DDX60: variants seen among roughly 807,000 people sequenced by gnomAD.
The protein encoded by DDX60 is DExD/H-box helicase 60, also known as probable ATP-dependent RNA helicase DDX60.
Under a neutral mutation model 212.8 loss-of-function variants are expected in DDX60, and 165 were observed. The observed-to-expected ratio is 0.78, with a 90% CI of 0.68 to 0.88. The LOEUF (loss-of-function observed/expected upper bound fraction) is 0.88. Among genes scored for constraint, DDX60 ranks in the 40% least tolerant of loss-of-function variants. The pLI, the probability that DDX60 is intolerant of heterozygous loss-of-function variation, is 0.00. For synonymous variants in DDX60, 703 were observed against 685.3 expected (o/e 1.03, Z -0.40); for missense variants, 1,905 against 2,003.9 (o/e 0.95, Z 0.94).
At chr4:168,231,378 T>G (rs1733448071) in intron 33 of DDX60, among the ~76,000 whole-genome samples, 1 of 150,512 alleles carries the variant, frequency 6.6e-6, no homozygotes, top group Non-Finnish European at 1.5e-5. Context: ...CATCTTAATG[T>G]CAAAACCAGG....
intron 1 of DDX60, among the ~76,000 whole-genome samples, chr4:168,314,516 A>G (rs1311793596): frequency 6.6e-6 from 1 of 152,230 alleles, no homozygotes; most frequent in African/African-American, 2.4e-5. Flanking sequence ...AGAGAAAGAG[A>G]AAAAGAAAGC....
intron 37 of DDX60, among the ~76,000 whole-genome samples, chr4:168,219,764 C>T (rs117659964): frequency 0.022 from 3,379 of 152,144 alleles, 212 homozygotes; most frequent in East Asian, 0.15. Context: ...AGGCCAGGAG[C>T]GGCAGCTAAT....
Position 168,248,263 on chromosome 4 carries a change from T to C in DDX60, c.3888A>G (p.Leu1296=). 6.2e-7 allele frequency: 1 copy of C among 1,609,482 alleles called. No individual in the cohort carries two copies. Among genetic ancestry groups the C allele is most frequent in the Non-Finnish European group, 8.5e-7 (1 of 1,178,330 alleles). The stretch of plus-strand genomic sequence containing the variant: ...CAGATTTACAAGGCATGTTGACACC[T>C]AAAGCAAGTGTTCCAGTAGCTGTCA... The part of the protein sequence containing the change: ...RVVTATGTLA[L]GVNMPCKSVV... The change falls in exon 29 of 38, where the codon TTA becomes TTG. Residue 1296 remains leucine, a synonymous_variant. Transcript: ENST00000393743.
At chr4:168,233,878 A>T (rs1372525207) in intron 33 of DDX60, among the ~76,000 whole-genome samples, 8 of 152,116 alleles carry the variant, frequency 5.3e-5, no homozygotes, top group Non-Finnish European at 1.0e-4. Flanking sequence ...ATACCAAAAA[A>T]ATTCATATGT....
chr4:168,272,390 A>G (rs1735141917), intron 18 of DDX60, among the ~76,000 whole-genome samples: 1 of 152,254 alleles, frequency 6.6e-6, no homozygotes, highest in Non-Finnish European at 1.5e-5. Flanking sequence ...GTTTATGAAC[A>G]TTCAGGGTTT....
chr4:168,259,076 G>A (rs536613808), intron 25 of DDX60, among the ~76,000 whole-genome samples: 32 of 152,118 alleles, frequency 2.1e-4, no homozygotes, highest in African/African-American at 5.1e-4. Context: ...TAACTGCATC[G>A]TTGGGTTTTC....
intron 37 of DDX60, among the ~76,000 whole-genome samples, chr4:168,219,293 C>CAA (rs35594263): frequency 2.4e-5 from 3 of 124,460 alleles, no homozygotes; most frequent in African/African-American, 3.0e-5. Flanking sequence ...TCTCCGTCTC[C>CAA]AAAAAAAAAA....
At chr4:168,268,356 A>T (rs981909377) in intron 20 of DDX60, among the ~76,000 whole-genome samples, 9 of 152,150 alleles carry the variant, frequency 5.9e-5, no homozygotes, top group Admixed American at 5.9e-4. Flanking sequence ...GTATTATAGG[A>T]TTGTTATTAG....
chr4:168,230,927 A>G (rs1733428520), intron 33 of DDX60, among the ~76,000 whole-genome samples: 1 of 152,048 alleles, frequency 6.6e-6, no homozygotes, highest in Admixed American at 6.6e-5. Context: ...GAAAAAATAA[A>G]CAACATTGAT....
At chr4:168,262,371 G>A (rs1036407506) in intron 23 of DDX60, among the ~76,000 whole-genome samples, 9 of 151,496 alleles carry the variant, frequency 5.9e-5, no homozygotes, top group African/African-American at 2.2e-4. Flanking sequence ...TAGAAGGGAA[G>A]CAAGTGTAAT....
chr4:168,251,185 T>C, intron 27 of DDX60, 79 bp from the exon 28 acceptor site: 1 of 1,346,888 alleles, frequency 7.4e-7, no homozygotes, highest in Non-Finnish European at 1.0e-6. Flanking sequence ...ATAACATGCA[T>C]ACTATGTAAT....
chr4:168,305,308 T>C (rs1736827762), intron 5 of DDX60, among the ~76,000 whole-genome samples: 1 of 152,306 alleles, frequency 6.6e-6, no homozygotes, highest in South Asian at 2.1e-4. Context: ...ACTAAAGCAA[T>C]ACAAACTAGC....
chr4:168,302,284 T>TA lies in DDX60; in HGVS notation c.723+15dup. 7.3e-7 allele frequency: 1 copy of TA among 1,368,960 alleles called. No individual in the cohort carries two copies. Among genetic ancestry groups the TA allele is most frequent in the Non-Finnish European group, 1.0e-6 (1 of 1,000,270 alleles). 84.8% of individuals were successfully genotyped at this position (1,368,960 alleles called of 1,614,324 possible). ...AACTTAGTTCAAATACAAAGCTTTTTAAAATGTTTTGTTACCTCTTCCGTA... is the reference window on the plus strand; with the variant it reads ...AACTTAGTTCAAATACAAAGCTTTTTAAAAATGTTTTGTTACCTCTTCCGTA... On this transcript the variant is annotated intron_variant, in intron 6 of 37. Coordinates refer to ENST00000393743, the MANE Select transcript of DDX60 (RefSeq NM_017631.6).
Position 168,291,753 on chromosome 4 carries a change from G to T in DDX60, c.1036C>A (p.Gln346Lys), listed in dbSNP as rs778744557. ...CTAATAAAGAGTACATTTACCATTT[G>T]TAATAAAGGCTTCATGTCCTCAGCC... is the stretch of plus-strand genomic sequence containing the variant. ...HWAEDMKPLL[Q>K]MKKWCEYFIL... Residue 346 changes from glutamine to lysine, a missense_variant, in exon 8 of 38, where the codon CAA becomes AAA. Physicochemically the swap from Gln to Lys is moderately conservative, Grantham distance 53. Transcript: ENST00000393743. The T allele has an allele frequency of 1.3e-6, 2 of 1,582,708 alleles. No homozygotes were observed. The highest frequency in any genetic ancestry group is 8.5e-7 in the Non-Finnish European group (1 of 1,170,134).
intron 5 of DDX60, among the ~76,000 whole-genome samples, chr4:168,305,944 C>T (rs577269187): frequency 1.3e-5 from 2 of 152,128 alleles, no homozygotes; most frequent in African/African-American, 4.8e-5. Flanking sequence ...TGCCTAATTC[C>T]ATGCATTTCT....
intron 6 of DDX60, 50 bp from the exon 7 acceptor site, chr4:168,293,995 T>C (rs758908007): frequency 1.3e-6 from 2 of 1,552,490 alleles, no homozygotes; most frequent in East Asian, 2.3e-5. Context: ...AAAAATATTT[T>C]TATTTGTAAG....
chr4:168,284,605 C>T (rs1470187909), intron 12 of DDX60, among the ~76,000 whole-genome samples: 1 of 152,200 alleles, frequency 6.6e-6, no homozygotes, highest in Non-Finnish European at 1.5e-5. Flanking sequence ...CTAGCACTTC[C>T]TCCTAAAACA....
At position 168,272,640 on chromosome 4, in the gene DDX60, G is replaced by A. The variant is rs1040991189; in HGVS notation, c.2575-502C>T. On this transcript the variant is annotated intron_variant, in intron 18 of 37. Transcript: ENST00000393743. ...GTTCCACATCAAGCCACAGCAGCCC[G>A]CTGCTTATACTTCTACTTAGCTCAG... Among the ~76,000 whole-genome samples the A allele has an allele frequency of 2.6e-5, 4 of 152,166 alleles. No individual in the cohort carries two copies. In the East Asian group the frequency reaches 5.8e-4, roughly 22 times the overall value.
chr4:168,308,271 C>T, intron 3 of DDX60, 76 bp from the exon 4 acceptor site: 1 of 855,204 alleles, frequency 1.2e-6, no homozygotes, highest in South Asian at 1.9e-5. Context: ...TTCTTATTAG[C>T]TCATTATCAT....
Sources: allele counts gnomAD v4.1 joint callset (sites outside exome capture counted in the v4.1 genomes callset), GRCh38; gene constraint gnomAD v4.1.1; transcripts MANE v1.5; gene names NCBI Gene and HGNC (gene_info 2026-07-23, HGNC 2026-07-21).